Variants in ARL15 observed in about 807,000 individuals in gnomAD.
ARL15 encodes ADP-ribosylation factor-like protein 15.
Under a neutral mutation model 25.2 loss-of-function variants are expected in ARL15, and 19 were observed. The ratio of observed to expected loss-of-function variants is 0.75; its 90% confidence interval spans 0.53 to 1.10. The LOEUF (loss-of-function observed/expected upper bound fraction) is 1.10, where lower values mean the gene tolerates loss of function less well. ARL15 is among the 50% of genes least tolerant of loss of function. The pLI is 0.00. For synonymous variants in ARL15, 94 were observed against 86.8 expected, an observed-to-expected ratio of 1.08 and a Z score of -0.46; for missense variants, 220 against 246.0, an observed-to-expected ratio of 0.89 and a Z score of 0.71.
intron 1 of ARL15, among the ~76,000 whole-genome samples, chr5:54,231,661 A>T (rs980480914): frequency 1.3e-5 from 2 of 152,134 alleles, no homozygotes; most frequent in Admixed American, 1.3e-4. Context: ...TGCAGGTCGG[A>T]AAGTCCAAGA....
At chr5:54,282,342 T>A in intron 1 of ARL15, 6 of 985,340 alleles carry the variant, frequency 6.1e-6, no homozygotes, top group Non-Finnish European at 7.2e-6. Context: ...AAGATTAAAA[T>A]AAGAATAAGA....
chr5:54,294,910 T>C (rs2112697972), intron 1 of ARL15, among the ~76,000 whole-genome samples: 1 of 152,346 alleles, frequency 6.6e-6, no homozygotes, highest in South Asian at 2.1e-4. Context: ...AAAGAACTGC[T>C]TTAAGACAGA....
chr5:53,936,569 T>C (rs1166174001), intron 4 of ARL15, among the ~76,000 whole-genome samples: 1 of 152,206 alleles, frequency 6.6e-6, no homozygotes, highest in Non-Finnish European at 1.5e-5. Context: ...TGCATCATTA[T>C]CTGAAAAACA....
At chr5:54,255,026 G>A (rs1268855900) in intron 1 of ARL15, among the ~76,000 whole-genome samples, 2 of 152,166 alleles carry the variant, frequency 1.3e-5, no homozygotes, top group African/African-American at 4.8e-5. Context: ...GACAAGGTCT[G>A]GAAACATGGC....
chr5:53,936,574 AAAAC>A (rs1331287914), intron 4 of ARL15, among the ~76,000 whole-genome samples: 2 of 152,186 alleles, frequency 1.3e-5, no homozygotes, highest in Non-Finnish European at 1.5e-5. Flanking sequence ...CATTATCTGA[AAAAC>A]AAACAAACAA....
At chr5:53,989,910 T>G (rs559673096) in intron 4 of ARL15, among the ~76,000 whole-genome samples, 3 of 152,232 alleles carry the variant, frequency 2.0e-5, no homozygotes, top group Admixed American at 2.0e-4. Context: ...GGGCAGTAAT[T>G]AGCACGTTGG....
At chr5:54,169,637 T>C (rs1170148226) in intron 2 of ARL15, among the ~76,000 whole-genome samples, 1 of 152,212 alleles carries the variant, frequency 6.6e-6, no homozygotes, top group African/African-American at 2.4e-5. Context: ...TGCCTAAACC[T>C]TGTGACAGAC....
At chr5:54,168,284 T>C (rs1754631590) in intron 2 of ARL15, among the ~76,000 whole-genome samples, 1 of 152,122 alleles carries the variant, frequency 6.6e-6, no homozygotes, top group Admixed American at 6.6e-5. Flanking sequence ...ATCTCTCTAG[T>C]CTGCTTGGCT....
rs1561194989 is a variant in ARL15 at position 54,029,324 on chromosome 5, C to CACT, written c.462+83877_462+83878insAGT. 8.6e-4 allele frequency among the ~76,000 whole-genome samples: 100 copies of CACT among 116,506 alleles called. 1 individual carries two copies. Among genetic ancestry groups the CACT allele is most frequent in the African/African-American group, 3.2e-3 (88 of 27,188 alleles). The allele number at this position is 116,506 out of a possible 152,430, so 76.4% of individuals were successfully genotyped here. A position where few individuals can be genotyped will look rare whatever the true frequency, so the allele number is the denominator to read the frequency against. On this transcript the variant is annotated intron_variant, in intron 4 of 4. Transcript: ENST00000504924. ...AAACAGTTACCACCACCACCACCAC[C>CACT]ACCACCACTACCACCACCACCACCA...
intron 3 of ARL15, among the ~76,000 whole-genome samples, chr5:54,151,152 A>G (rs1198888548): frequency 6.6e-6 from 1 of 152,184 alleles, no homozygotes; most frequent in Non-Finnish European, 1.5e-5. Flanking sequence ...AGAAAAGGGA[A>G]TAAGGGCAAA....
intron 4 of ARL15, among the ~76,000 whole-genome samples, chr5:53,908,136 T>C (rs1357121620): frequency 6.6e-6 from 1 of 152,226 alleles, no homozygotes; most frequent in African/African-American, 2.4e-5. Context: ...AGACCACATT[T>C]GTTTTCATTA....
intron 1 of ARL15, among the ~76,000 whole-genome samples, chr5:54,227,901 C>T (rs1756569456): frequency 6.6e-6 from 1 of 152,102 alleles, no homozygotes; most frequent in East Asian, 1.9e-4. Context: ...AAGGAGTTAA[C>T]ATTTTCTACA....
At chr5:53,947,590 G>T (rs1036840337) in intron 4 of ARL15, among the ~76,000 whole-genome samples, 2 of 152,030 alleles carry the variant, frequency 1.3e-5, no homozygotes, top group African/African-American at 4.8e-5. Context: ...CCAACAACTG[G>T]GATTGTAGGA....
chr5:54,141,664 A>G (rs1753784829), intron 3 of ARL15, among the ~76,000 whole-genome samples: 1 of 152,086 alleles, frequency 6.6e-6, no homozygotes, highest in Admixed American at 6.6e-5. Context: ...GCACCTCAAA[A>G]GTTTTCTCAT....
intron 3 of ARL15, among the ~76,000 whole-genome samples, chr5:54,138,749 G>GA (rs546823760): frequency 7.2e-5 from 11 of 152,182 alleles, no homozygotes; most frequent in Middle Eastern, 3.4e-3. Flanking sequence ...CAGAATGGGA[G>GA]AAAAAATCTG....
rs182549443 is a variant in ARL15 at position 54,277,737 on chromosome 5, G to C, written c.48+32695C>G. 1.8e-3 allele frequency among the ~76,000 whole-genome samples: 274 copies of C among 152,152 alleles called. 1 individual carries two copies. The highest frequency in any genetic ancestry group is 6.3e-3 in the African/African-American group (262 of 41,510). ...ACTGCACTCCAGGCTGGGTGACAGA[G>C]TGAGACTTCGTCTCAAAAAAAAAAA... On this transcript the variant is annotated intron_variant, in intron 1 of 4. Transcript: ENST00000504924.
chr5:54,230,881 T>C (rs553022969), intron 1 of ARL15, among the ~76,000 whole-genome samples: 1 of 152,280 alleles, frequency 6.6e-6, no homozygotes, highest in Admixed American at 6.5e-5. Context: ...AACAGCTTGG[T>C]AGGTAAGCAA....
At chr5:54,070,920 G>A (rs1751399549) in intron 4 of ARL15, among the ~76,000 whole-genome samples, 2 of 152,088 alleles carry the variant, frequency 1.3e-5, no homozygotes, top group African/African-American at 4.8e-5. Context: ...TGTAATCCCA[G>A]CGCTTTGGGA....
intron 1 of ARL15, among the ~76,000 whole-genome samples, chr5:54,281,309 C>G (rs1012002946): frequency 1.3e-5 from 2 of 151,902 alleles, no homozygotes; most frequent in African/African-American, 4.8e-5. Flanking sequence ...CCAGCTAATT[C>G]TTGTATTTTT....
Sources: gnomAD v4.1 joint callset for allele counts (sites outside exome capture counted in the v4.1 genomes callset) on GRCh38, gnomAD v4.1.1 for gene constraint, MANE v1.5 for transcripts, NCBI Gene and HGNC (gene_info 2026-07-23, HGNC 2026-07-21) for gene names.